ITPR1: variants seen among roughly 807,000 people sequenced by gnomAD.
The protein encoded by ITPR1 is inositol 1,4,5-trisphosphate-gated calcium channel ITPR1.
Under a neutral mutation model 318.4 loss-of-function variants are expected in ITPR1, and 96 were observed. The ratio of observed to expected loss-of-function variants is 0.30; its 90% CI spans 0.26 to 0.36. The LOEUF (loss-of-function observed/expected upper bound fraction) is 0.36, where lower values mean the gene tolerates loss of function less well. Ranked by LOEUF, ITPR1 falls within the 10% of genes least tolerant of loss-of-function variation. The pLI, the probability that ITPR1 is intolerant of heterozygous loss-of-function variation, is 1.00. For missense variants in ITPR1, 2,440 were observed against 3,460.2 expected (o/e 0.71, Z 7.40); for synonymous variants, 1,312 against 1,289.9 (o/e 1.02, Z -0.37).
At chr3:4,796,678 C>T (rs2047918722) in intron 53 of ITPR1, among the ~76,000 whole-genome samples, 1 of 152,180 alleles carries the variant, frequency 6.6e-6, no homozygotes, top group Admixed American at 6.5e-5. Flanking sequence ...AGGGAGTTAA[C>T]AGCCCCCCAC....
At chr3:4,620,432 G>C (rs1183762139) in intron 4 of ITPR1, among the ~76,000 whole-genome samples, 2 of 152,082 alleles carry the variant, frequency 1.3e-5, no homozygotes, top group Non-Finnish European at 2.9e-5. Context: ...CTCCGTTACT[G>C]GTCCTCATCC....
chr3:4,576,601 C>A (rs976305981), intron 4 of ITPR1, among the ~76,000 whole-genome samples: 1 of 152,202 alleles, frequency 6.6e-6, no homozygotes, highest in Non-Finnish European at 1.5e-5. Flanking sequence ...AATAAATATG[C>A]CAGGCAGCTC....
At chr3:4,679,613 T>C (rs560605169) in intron 24 of ITPR1, among the ~76,000 whole-genome samples, 1 of 152,366 alleles carries the variant, frequency 6.6e-6, no homozygotes, top group Non-Finnish European at 1.5e-5. Flanking sequence ...GGATCTTCTT[T>C]ACTCAGCTCA....
rs552827922 is a variant in ITPR1 at position 4,619,571 on chromosome 3, T to TC, written c.164-8188dup. On this transcript the variant is annotated intron_variant, in intron 4 of 61. Transcript: ENST00000649015. ...GCCCTTTCCCCCTTCCCCTGCCCTT[T>TC]CCCCTTCCCCCTTCCCCTGCCCTCC... Among the ~76,000 whole-genome samples the TC allele has an allele frequency of 1.8e-3, 174 of 97,520 alleles. 7 individuals carry two copies. The highest frequency in any genetic ancestry group is 8.3e-3 in the African/African-American group (166 of 20,028). 64.0% of individuals were successfully genotyped at this position (97,520 alleles called of 152,430 possible).
chr3:4,810,556 G>A (rs963082720), intron 55 of ITPR1, among the ~76,000 whole-genome samples: 1 of 152,162 alleles, frequency 6.6e-6, no homozygotes. Flanking sequence ...CGATACACCA[G>A]CTATGTGACC....
chr3:4,697,520 C>G (rs1488323717), intron 34 of ITPR1, among the ~76,000 whole-genome samples: 1 of 140,282 alleles, frequency 7.1e-6, no homozygotes, highest in Non-Finnish European at 1.5e-5. Context: ...GGCACAATCT[C>G]AGTTCACTGC....
At chr3:4,825,167 A>G (rs1484497137) in intron 60 of ITPR1, among the ~76,000 whole-genome samples, 2 of 152,146 alleles carry the variant, frequency 1.3e-5, no homozygotes, top group African/African-American at 4.8e-5. Context: ...ACACCTCCCT[A>G]CTTTCTCTCT....
At chr3:4,808,056 T>A (rs2048701589) in intron 55 of ITPR1, among the ~76,000 whole-genome samples, 1 of 152,244 alleles carries the variant, frequency 6.6e-6, no homozygotes, top group Non-Finnish European at 1.5e-5. Flanking sequence ...CCTCTTCTCT[T>A]CATCACTTGC....
At chr3:4,673,529 TA>T (rs2125214488) in intron 21 of ITPR1, 142 bp downstream of exon 21, 3 of 913,962 alleles carry the variant, frequency 3.3e-6, no homozygotes, top group East Asian at 2.7e-5. Flanking sequence ...GGATGGCAAA[TA>T]TTTTTTTCCT....
At chr3:4,628,462 T>C (rs2092911296) in intron 5 of ITPR1, among the ~76,000 whole-genome samples, 1 of 152,234 alleles carries the variant, frequency 6.6e-6, no homozygotes. Flanking sequence ...GCCTCTCTCA[T>C]CCTGTTTCAC....
intron 4 of ITPR1, among the ~76,000 whole-genome samples, chr3:4,597,150 G>A (rs541857864): frequency 6.6e-6 from 1 of 152,222 alleles, no homozygotes; most frequent in African/African-American, 2.4e-5. Flanking sequence ...TGTTTTGTTT[G>A]TTTTTTAAGG....
At chr3:4,804,520 T>TG (rs1207524417) in intron 54 of ITPR1, among the ~76,000 whole-genome samples, 2 of 152,144 alleles carry the variant, frequency 1.3e-5, no homozygotes, top group Admixed American at 6.5e-5. Context: ...AGCTATTTCC[T>TG]GGGGAAGCAA....
intron 4 of ITPR1, among the ~76,000 whole-genome samples, chr3:4,584,937 A>G (rs1033532627): frequency 1.3e-5 from 2 of 152,214 alleles, no homozygotes; most frequent in African/African-American, 4.8e-5. Flanking sequence ...GAGGGAGTAA[A>G]GGAGAAAAAC....
In ITPR1 at chr3:4,683,817, A is replaced by T. The variant is rs778576398; in HGVS notation, c.3498+19A>T. 6.2e-7 allele frequency: 1 copy of T among 1,608,412 alleles called. No homozygotes were observed. On this transcript the variant is annotated intron_variant, in intron 28 of 61. Coordinates refer to ENST00000649015, the MANE Select transcript of ITPR1 (RefSeq NM_001378452.1). ...AACGGAGGTGAGTGAAACACAAGTT[A>T]TGCTGCCAAAGTGGATGGATGGGCT...
chr3:4,615,895 C>G (rs554088764), intron 4 of ITPR1, among the ~76,000 whole-genome samples: 1 of 151,998 alleles, frequency 6.6e-6, no homozygotes, highest in Non-Finnish European at 1.5e-5. Flanking sequence ...GTTGTCAGCT[C>G]GAGTTTTCTA....
intron 21 of ITPR1, among the ~76,000 whole-genome samples, chr3:4,673,798 G>C (rs960057536): frequency 6.6e-6 from 1 of 152,136 alleles, no homozygotes; most frequent in African/African-American, 2.4e-5. Flanking sequence ...TAGCTAGGAC[G>C]GTCTCGATCT....
intron 4 of ITPR1, among the ~76,000 whole-genome samples, chr3:4,566,838 T>C (rs1453755278): frequency 1.3e-5 from 2 of 152,218 alleles, no homozygotes; most frequent in East Asian, 3.9e-4. Context: ...TTTCCCTCTC[T>C]TAATTTCCTC....
At chr3:4,845,842 T>G (rs2051731402) in intron 61 of ITPR1, among the ~76,000 whole-genome samples, 1 of 152,226 alleles carries the variant, frequency 6.6e-6, no homozygotes, top group African/African-American at 2.4e-5. Context: ...CATTTGGAAG[T>G]GCATTTGGGA....
rs148269974 is a variant in ITPR1, at chr3:4,628,192, A to G, written c.279+314A>G. Among the ~76,000 whole-genome samples the G allele has an allele frequency of 5.0e-3, 765 of 152,294 alleles. 7 individuals are homozygous for G. Among genetic ancestry groups the G allele is most frequent in the African/African-American group, 0.017 (716 of 41,546 alleles). On this transcript the variant is annotated intron_variant, in intron 5 of 61. Coordinates refer to ENST00000649015, the MANE Select transcript of ITPR1 (RefSeq NM_001378452.1). ...GGAATCCTGCCTCCACCACTCAGCA[A>G]CTGGTGCTCTTGGGCACGTTATGTG...
Sources: gnomAD v4.1 joint callset for allele counts (sites outside exome capture counted in the v4.1 genomes callset) on GRCh38, gnomAD v4.1.1 for gene constraint, MANE v1.5 for transcripts, NCBI Gene and HGNC (gene_info 2026-07-23, HGNC 2026-07-21) for gene names.